SPAG1: variants seen among roughly 807,000 people sequenced by gnomAD.
SPAG1 encodes sperm associated antigen 1, also known as sperm-associated antigen 1.
SPAG1 carries 69 observed loss-of-function variants against 100.5 expected under a neutral mutation model. The observed-to-expected ratio is 0.69, with a 90% CI of 0.57 to 0.84. The LOEUF is 0.84. Ranked by LOEUF, SPAG1 falls within the 40% of genes least tolerant of loss-of-function variation. The pLI is 0.00. For synonymous variants in SPAG1, 336 were observed against 411.6 expected (o/e 0.82, Z 2.22); for missense variants, 955 against 1,133.1 (o/e 0.84, Z 2.26).
intron 13 of SPAG1, among the ~76,000 whole-genome samples, chr8:100,222,940 C>T (rs1465979814): frequency 6.6e-6 from 1 of 152,180 alleles, no homozygotes; most frequent in Non-Finnish European, 1.5e-5. Flanking sequence ...CCTTTCCCCC[C>T]AGCCCCTGGC....
chr8:100,228,675 T>C (rs1586541903), intron 14 of SPAG1, among the ~76,000 whole-genome samples: 1 of 151,926 alleles, frequency 6.6e-6, no homozygotes, highest in East Asian at 1.9e-4. Flanking sequence ...ATTGCACCAC[T>C]GCACTCTAGC....
intron 7 of SPAG1, among the ~76,000 whole-genome samples, chr8:100,185,417 G>A (rs1816544462): frequency 6.6e-6 from 1 of 151,868 alleles, no homozygotes. Context: ...CAATTTATAG[G>A]CTCTTATAGC....
intron 3 of SPAG1, among the ~76,000 whole-genome samples, chr8:100,171,725 G>T (rs2132220462): frequency 6.6e-6 from 1 of 152,142 alleles, no homozygotes; most frequent in South Asian, 2.1e-4. Flanking sequence ...GCAAATGTAG[G>T]GCTTACCTCA....
chr8:100,175,668 A>G (rs1479139733), intron 3 of SPAG1, among the ~76,000 whole-genome samples: 5 of 152,250 alleles, frequency 3.3e-5, no homozygotes, highest in Non-Finnish European at 5.9e-5. Flanking sequence ...GGGTAAGTAG[A>G]CCACTTGACC....
At chr8:100,235,090 G>A (rs1483192943) in intron 16 of SPAG1, among the ~76,000 whole-genome samples, 3 of 152,168 alleles carry the variant, frequency 2.0e-5, no homozygotes, top group African/African-American at 7.2e-5. Flanking sequence ...CTATTCTGGA[G>A]GTGGGAAGTC....
At chr8:100,171,686 C>CTGCA (rs1211684054) in intron 3 of SPAG1, among the ~76,000 whole-genome samples, 1 of 152,126 alleles carries the variant, frequency 6.6e-6, no homozygotes, top group Non-Finnish European at 1.5e-5. Flanking sequence ...TTTTCCTGTG[C>CTGCA]TGCAGCCTGG....
intron 12 of SPAG1, among the ~76,000 whole-genome samples, chr8:100,214,132 C>T (rs1033440140): frequency 3.9e-5 from 6 of 152,162 alleles, no homozygotes; most frequent in Admixed American, 2.0e-4. Context: ...CCACTGCTAC[C>T]GCCCTAATTC....
chr8:100,201,396 A>AT (rs1360947676), intron 10 of SPAG1, among the ~76,000 whole-genome samples: 1 of 152,082 alleles, frequency 6.6e-6, no homozygotes, highest in Non-Finnish European at 1.5e-5. Flanking sequence ...AAGTGCTGGG[A>AT]TTACAGGCAT....
intron 8 of SPAG1, among the ~76,000 whole-genome samples, chr8:100,191,145 C>T (rs909768376): frequency 1.3e-5 from 2 of 152,042 alleles, no homozygotes; most frequent in Non-Finnish European, 1.5e-5. Context: ...GAAAAGCTGG[C>T]GGGGCCTGGG....
At chr8:100,158,555 G>C (rs1278035457), upstream of SPAG1, 1 of 152,260 alleles carries the variant, frequency 6.6e-6, no homozygotes, top group Non-Finnish European at 1.5e-5. Flanking sequence ...CAGGAAAGAG[G>C]GTGCCTCGGT....
At chr8:100,231,893 C>G (rs1419717823) in intron 15 of SPAG1, among the ~76,000 whole-genome samples, 1 of 151,072 alleles carries the variant, frequency 6.6e-6, no homozygotes, top group Non-Finnish European at 1.5e-5. Flanking sequence ...ACCCGGGAGG[C>G]AGAGCTTGCA....
chr8:100,169,735 C>CA (rs933062632), intron 3 of SPAG1, among the ~76,000 whole-genome samples: 11 of 150,160 alleles, frequency 7.3e-5, no homozygotes, highest in East Asian at 3.9e-4. Context: ...AAGACTGTCT[C>CA]AAAAAAAAAG....
At chr8:100,195,385 A>G (rs1441787619) in intron 10 of SPAG1, among the ~76,000 whole-genome samples, 1 of 152,154 alleles carries the variant, frequency 6.6e-6, no homozygotes, top group African/African-American at 2.4e-5. Flanking sequence ...ACGAGTTTTA[A>G]TTTTTTTAAG....
chr8:100,234,916 T>C (rs924398408), intron 16 of SPAG1, among the ~76,000 whole-genome samples: 4 of 151,956 alleles, frequency 2.6e-5, no homozygotes, highest in Admixed American at 1.3e-4. Flanking sequence ...TCATGGAAGG[T>C]TGATAAGAGG....
chr8:100,232,251 G>A (rs1586551827), intron 15 of SPAG1, among the ~76,000 whole-genome samples: 1 of 152,194 alleles, frequency 6.6e-6, no homozygotes, highest in Non-Finnish European at 1.5e-5. Context: ...TCTTGGCTGC[G>A]GAGGAGGAGG....
At chr8:100,202,709 C>CAAAAAAAA (rs750153561) in intron 10 of SPAG1, among the ~76,000 whole-genome samples, 1 of 27,464 alleles carries the variant, frequency 3.6e-5, no homozygotes, top group Non-Finnish European at 6.2e-5. Context: ...GACTCCGTCT[C>CAAAAAAAA]AAAAAAAAAA....
intron 16 of SPAG1, among the ~76,000 whole-genome samples, chr8:100,236,298 A>G (rs76513107): frequency 0.047 from 7,103 of 152,202 alleles, 484 homozygotes; most frequent in African/African-American, 0.14. Context: ...AGGTGAATTT[A>G]ATTTCAGAAT....
intron 10 of SPAG1, among the ~76,000 whole-genome samples, chr8:100,205,774 T>C (rs929718123): frequency 6.6e-6 from 1 of 151,886 alleles, no homozygotes; most frequent in African/African-American, 2.4e-5. Flanking sequence ...CCCAGCACTT[T>C]GGGAGGCCGA....
chr8:100,213,250 A>T lies in SPAG1; in HGVS notation c.1257A>T (p.Pro419=), dbSNP rs1817813043. ...AGGCCGGCGCGGACAAGCGGAGCCC[A>T]CGGCGGGCCTCTGCGGCGGCGGCGG... is the stretch of plus-strand genomic sequence containing the variant. ...TPEAGADKRS[P]RRASAAAAAG... Residue 419 remains proline (P), a synonymous_variant, in exon 11 of 19, where the codon CCA becomes CCT. Transcript: ENST00000388798. 8.1e-7 allele frequency: 1 copy of T among 1,227,590 alleles called. No homozygotes were observed. Among genetic ancestry groups the T allele is most frequent in the South Asian group, 3.7e-5 (1 of 27,254 alleles). The allele number at this position is 1,227,590 out of a possible 1,614,324, so 76.0% of individuals were successfully genotyped here. A position where few individuals can be genotyped will look rare whatever the true frequency, so the allele number is the denominator to read the frequency against.
Sources: gnomAD v4.1 joint callset for allele counts (sites outside exome capture counted in the v4.1 genomes callset) on GRCh38, gnomAD v4.1.1 for gene constraint, MANE v1.5 for transcripts, NCBI Gene and HGNC (gene_info 2026-07-23, HGNC 2026-07-21) for gene names.